The following ARB2A variants were observed in gnomAD, a reference collection of about 807,000 sequenced individuals.
ARB2A encodes the protein ARB2 cotranscriptional regulator A, also known as cotranscriptional regulator ARB2A.
chr5:93,636,523 A>G, the ARB2A span, among the ~76,000 whole-genome samples: 2 of 152,248 alleles, frequency 1.3e-5, no homozygotes, highest in Non-Finnish European at 2.9e-5. Flanking sequence ...TGAAAAGATT[A>G]CTGTCTATGA....
chr5:93,761,979 G>T, the ARB2A span, among the ~76,000 whole-genome samples: 1 of 152,150 alleles, frequency 6.6e-6, no homozygotes, highest in African/African-American at 2.4e-5. Context: ...CAACAGACCT[G>T]CAGATGAGGG....
the ARB2A span, among the ~76,000 whole-genome samples, chr5:94,088,074 G>A: frequency 6.6e-6 from 1 of 152,164 alleles, no homozygotes. Flanking sequence ...GGATAATGCT[G>A]ACAGTGCCGT....
chr5:93,877,439 A>C, the ARB2A span, among the ~76,000 whole-genome samples: 1 of 152,128 alleles, frequency 6.6e-6, no homozygotes, highest in Non-Finnish European at 1.5e-5. Flanking sequence ...TTTGTTCTCC[A>C]TCCAAGGGAT....
chr5:93,624,917 A>G, the ARB2A span, among the ~76,000 whole-genome samples: 2 of 152,204 alleles, frequency 1.3e-5, no homozygotes, highest in African/African-American at 4.8e-5. Flanking sequence ...ATTTTAATAT[A>G]TACTGAATTT....
chr5:93,688,434 A>G, the ARB2A span, among the ~76,000 whole-genome samples: 2 of 152,216 alleles, frequency 1.3e-5, no homozygotes, highest in African/African-American at 4.8e-5. Flanking sequence ...GCATCTTCAC[A>G]TTCGGACTAG....
chr5:93,879,924 G>A, the ARB2A span, among the ~76,000 whole-genome samples: 3 of 151,658 alleles, frequency 2.0e-5, no homozygotes, highest in Non-Finnish European at 3.0e-5. Flanking sequence ...GGATATCAGA[G>A]GTAATCTTTT....
At chr5:93,950,874 G>A in the ARB2A span, among the ~76,000 whole-genome samples, 2 of 151,270 alleles carry the variant, frequency 1.3e-5, no homozygotes, top group Non-Finnish European at 2.9e-5. Context: ...AACCCAGGAG[G>A]TGGAGGCTGC....
chr5:93,977,110 C>T, the ARB2A span, among the ~76,000 whole-genome samples: 1 of 151,554 alleles, frequency 6.6e-6, no homozygotes, highest in Admixed American at 6.6e-5. Context: ...ATGACAAAAA[C>T]AAATGGAAAA....
At chr5:93,858,494 A>G in the ARB2A span, among the ~76,000 whole-genome samples, 1 of 152,160 alleles carries the variant, frequency 6.6e-6, no homozygotes, top group African/African-American at 2.4e-5. Context: ...TGTCATTACA[A>G]TCCAATGGAG....
chr5:94,108,013 A>G, the ARB2A span, among the ~76,000 whole-genome samples: 1 of 152,114 alleles, frequency 6.6e-6, no homozygotes, highest in Non-Finnish European at 1.5e-5. Context: ...CTCATGATCC[A>G]TCACTATTAC....
At chr5:93,629,598 T>C in the ARB2A span, among the ~76,000 whole-genome samples, 2 of 152,170 alleles carry the variant, frequency 1.3e-5, no homozygotes, top group African/African-American at 4.8e-5. Context: ...TTGTTCACCT[T>C]TGAATATGAA....
chr5:93,782,617 G>A, the ARB2A span, among the ~76,000 whole-genome samples: 1 of 152,172 alleles, frequency 6.6e-6, no homozygotes, highest in Non-Finnish European at 1.5e-5. Context: ...GAGTGAGACT[G>A]TAACAACAAC....
chr5:93,720,618 C>T, the ARB2A span, among the ~76,000 whole-genome samples: 5 of 151,926 alleles, frequency 3.3e-5, no homozygotes. Context: ...TCAACTGATA[C>T]TAGCTCTATA....
chr5:93,895,495 G>A, the ARB2A span, among the ~76,000 whole-genome samples: 4 of 151,942 alleles, frequency 2.6e-5, no homozygotes, highest in African/African-American at 4.8e-5. Context: ...CAAGTACTCC[G>A]ACTCCAAAGG....
At chr5:94,005,025 A>G in the ARB2A span, among the ~76,000 whole-genome samples, 59 of 110,120 alleles carry the variant, frequency 5.4e-4, 1 homozygote, top group Non-Finnish European at 8.5e-4. Flanking sequence ...AAAAAAAAAA[A>G]AGAGAGAGGA....
chr5:93,970,508 A>C, the ARB2A span, among the ~76,000 whole-genome samples: 2 of 152,208 alleles, frequency 1.3e-5, no homozygotes, highest in Admixed American at 1.3e-4. Flanking sequence ...AATGCTTAAA[A>C]TATTTTAAAA....
chr5:93,862,370 T>C, the ARB2A span: 2 of 152,350 alleles, frequency 1.3e-5, no homozygotes, highest in African/African-American at 4.8e-5. Flanking sequence ...AACTTACTTC[T>C]GTAAACAGAA....
At chr5:93,923,796 G>A in the ARB2A span, among the ~76,000 whole-genome samples, 1 of 152,116 alleles carries the variant, frequency 6.6e-6, no homozygotes, top group Non-Finnish European at 1.5e-5. Flanking sequence ...GCAAGAGAGT[G>A]AGACCTTGTC....
At chr5:93,660,408 G>A in the ARB2A span, among the ~76,000 whole-genome samples, 2 of 152,080 alleles carry the variant, frequency 1.3e-5, no homozygotes, top group African/African-American at 2.4e-5. Flanking sequence ...ACTGGGTAGT[G>A]GGGACGTCTT....
Sources: gnomAD v4.1 joint callset for allele counts (sites outside exome capture counted in the v4.1 genomes callset) on GRCh38, gnomAD v4.1.1 for gene constraint, MANE v1.5 for transcripts, NCBI Gene and HGNC (gene_info 2026-07-23, HGNC 2026-07-21) for gene names.